The following HSPG2 variants were observed in gnomAD, a reference collection of about 807,000 sequenced individuals.
HSPG2 encodes the protein basement membrane-specific heparan sulfate proteoglycan core protein.
Under a neutral mutation model 526.6 loss-of-function variants are expected in HSPG2, and 278 were observed. The ratio of observed to expected loss-of-function variants is 0.53; its 90% CI spans 0.48 to 0.58. The LOEUF is 0.58. HSPG2 is among the 20% of genes least tolerant of loss of function. HSPG2 has a pLI of 0.00. For missense variants in HSPG2, 5,354 were observed against 6,099.5 expected, an observed-to-expected ratio of 0.88 and a Z score of 4.07; for synonymous variants, 2,465 against 2,555.4, an observed-to-expected ratio of 0.96 and a Z score of 1.07.
intron 21 of HSPG2, chr1:21,877,602 A>C (rs1046356632): frequency 2.0e-5 from 3 of 150,610 alleles, no homozygotes; most frequent in African/African-American, 7.5e-5. Context: ...GGTTCAAGTG[A>C]TTCTCCTGCC....
rs139645957 is a variant in HSPG2, at chr1:21,847,754, C to T, written c.7960G>A (p.Ala2654Thr). The change falls in exon 61 of 97, where the codon GCC (alanine) becomes ACC (threonine). Residue 2654 changes from alanine (A) to threonine (T), a missense_variant. Coordinates refer to ENST00000374695, the MANE Select transcript of HSPG2 (RefSeq NM_005529.7). The surrounding 1 kb of genome is among the most constrained non-coding windows in gnomAD (Gnocchi z 4.1). ...GQTLDLNCVVARQPQAIITWY... is the reference protein window; with the variant it reads ...GQTLDLNCVVTRQPQAIITWY... ...GTGATGATAGCCTGGGGCTGCCTGG[C>T]GACCACGCAGTTCAGATCCAAGGTC... 19 of 1,612,864 alleles carry T rather than the reference C, an allele frequency of 1.2e-5. No homozygotes were observed. The highest frequency in any genetic ancestry group is 8.0e-5 in the African/African-American group (6 of 74,894).
chr1:21,856,233 A>G (rs1166456267), intron 44 of HSPG2, among the ~76,000 whole-genome samples: 1 of 152,184 alleles, frequency 6.6e-6, no homozygotes, highest in African/African-American at 2.4e-5. Flanking sequence ...TTCCTCAAAC[A>G]TAGCAACGTG....
Position 21,878,449 on chromosome 1 carries a change from C to T in HSPG2, c.2601G>A (p.Gly867=), listed in dbSNP as rs1278581377. 2.5e-6 allele frequency: 4 copies of T among 1,607,288 alleles called. No homozygotes were observed. Among genetic ancestry groups the T allele is most frequent in the African/African-American group, 2.7e-5 (2 of 74,816 alleles). The stretch of plus-strand genomic sequence containing the variant: ...CATACTCACTGACGGGCCTGCACTT[C>T]CCGCCGGGCTGGATGGGGTTGCCCT... ...GYEGNPIQPG[G]KCRPVNQEIV... Residue 867 remains glycine (G), a synonymous_variant, in exon 20 of 97, where the codon GGG becomes GGA. Transcript: ENST00000374695.
chr1:21,833,518 C>A lies in HSPG2; in HGVS notation c.10927G>T (p.Ala3643Ser). The A allele has an allele frequency of 6.2e-7, 1 of 1,614,164 alleles. No individual in the cohort carries two copies. Among genetic ancestry groups the A allele is most frequent in the Non-Finnish European group, 8.5e-7 (1 of 1,180,020 alleles). The change falls in exon 79 of 97, where the codon GCC becomes TCC. Residue 3643 changes from alanine (A) to serine (S), a missense_variant. Physicochemically the swap from Ala to Ser is moderately conservative, Grantham distance 99 (BLOSUM62 1). Coordinates refer to ENST00000374695, the MANE Select transcript of HSPG2 (RefSeq NM_005529.7). ...TTGACCTTGCCCTGGCGGTTAGTGG[C>A]GGTGCAGACGTAGGTACCTGCGTCC... ...PQDAGTYVCTATNRQGKVKAF... is the reference protein window; with the variant it reads ...PQDAGTYVCTSTNRQGKVKAF...
rs374125713 is a variant in HSPG2, at chr1:21,876,490, C to T, written c.2826+22G>A. ...TCCGGCCCAGGGCTTGGCGGTCCTG[C>T]CCGCCCACCTTGCAGAGGTACCTGG... On this transcript the variant is annotated intron_variant, in intron 22 of 96. Coordinates refer to ENST00000374695, the MANE Select transcript of HSPG2 (RefSeq NM_005529.7). 3 of 1,613,570 alleles carry T rather than the reference C, an allele frequency of 1.9e-6. No homozygotes were observed. In the African/African-American group the frequency reaches 4.0e-5, roughly 22 times the overall value.
chr1:21,841,649 C>G lies in HSPG2; in HGVS notation c.9218G>C (p.Gly3073Ala). ...GGTGCCCACGATGGTGATGATGGAG[C>G]CATTGGGACTGATGTGGACGTTGTC... ...LEDNVHISPNGSIITIVGTRP... is the reference protein window; with the variant it reads ...LEDNVHISPNASIITIVGTRP... The change falls in exon 70 of 97, where the codon GGC (glycine) becomes GCC (alanine). Residue 3073 changes from glycine to alanine, a missense_variant. Physicochemically the swap from Gly to Ala is moderately conservative, Grantham distance 60 (BLOSUM62 0). Transcript: ENST00000374695. 1 of 1,614,120 alleles carries G rather than the reference C, an allele frequency of 6.2e-7. No homozygotes were observed. The highest frequency in any genetic ancestry group is 8.5e-7 in the Non-Finnish European group (1 of 1,180,018).
chr1:21,927,531 C>A (rs1414416781), intron 1 of HSPG2, among the ~76,000 whole-genome samples: 1 of 20,408 alleles, frequency 4.9e-5, no homozygotes, highest in African/African-American at 6.0e-5. Flanking sequence ...AGGACATCCC[C>A]CACCCCCCCC....
chr1:21,860,627 G>A (rs537673060), intron 39 of HSPG2, among the ~76,000 whole-genome samples: 1 of 152,102 alleles, frequency 6.6e-6, no homozygotes, highest in Non-Finnish European at 1.5e-5. Context: ...AATTAGCTGG[G>A]ACTGCAGGGG....
chr1:21,828,102 G>A lies in HSPG2; in HGVS notation c.12460C>T (p.Leu4154=). The change falls in exon 90 of 97, where the codon CTG becomes TTG. Residue 4154 remains leucine (L), a synonymous_variant. Coordinates refer to ENST00000374695, the MANE Select transcript of HSPG2 (RefSeq NM_005529.7). The surrounding 1 kb of genome is among the most constrained non-coding windows in gnomAD (Gnocchi z 6.0). ...GTGCCCTGGCAGGTGCCCCCATGCA[G>A]ACAGGGTTCACGGAGCTGGCAGGGG... is the stretch of plus-strand genomic sequence containing the variant. The part of the protein sequence containing the change: ...ENPCQLREPC[L]HGGTCQGTRC... The A allele has an allele frequency of 6.2e-7, 1 of 1,609,936 alleles. No homozygotes were observed. Among genetic ancestry groups the A allele is most frequent in the Non-Finnish European group, 8.5e-7 (1 of 1,178,432 alleles).
At chr1:21,868,113 A>G (rs1246709411) in intron 33 of HSPG2, among the ~76,000 whole-genome samples, 1 of 151,522 alleles carries the variant, frequency 6.6e-6, no homozygotes, top group African/African-American at 2.4e-5. Flanking sequence ...ATCTAGGCTC[A>G]CTGCAACCTC....
chr1:21,936,796 C>T (rs114360518), intron 1 of HSPG2, among the ~76,000 whole-genome samples: 211 of 152,290 alleles, frequency 1.4e-3, no homozygotes, highest in African/African-American at 4.8e-3. Flanking sequence ...GTTCCCTCGT[C>T]CTGCCAAGTT....
Position 21,854,615 on chromosome 1 carries a change from G to T in HSPG2, c.6284C>A (p.Thr2095Asn), listed in dbSNP as rs1358686526. Residue 2095 changes from threonine to asparagine, a missense_variant, in exon 49 of 97, where the codon ACC (threonine) becomes AAC (asparagine). Transcript: ENST00000374695. ...ATAGGCTCAGGGCCCACATACCTGG[G>T]TGTGGGGAGGCAGGCTACCCCCTCG... ...YRRGGSLPPH[T>N]QVHGSRLRLP... 2 of 1,562,962 alleles carry T rather than the reference G, an allele frequency of 1.3e-6. No individual in the cohort carries two copies. Among genetic ancestry groups the T allele is most frequent in the Non-Finnish European group, 1.7e-6 (2 of 1,151,862 alleles).
chr1:21,912,070 A>G (rs911590967), intron 1 of HSPG2, among the ~76,000 whole-genome samples: 21 of 152,242 alleles, frequency 1.4e-4, no homozygotes, highest in East Asian at 1.9e-4. Context: ...GATGACTACT[A>G]TATCTATCAT....
At chr1:21,879,549 T>G (rs1297792898) in intron 17 of HSPG2, among the ~76,000 whole-genome samples, 1 of 152,134 alleles carries the variant, frequency 6.6e-6, no homozygotes, top group Non-Finnish European at 1.5e-5. Context: ...CCCCCTAGAG[T>G]TGCCCTCTGC....
chr1:21,885,742 G>C (rs1641847505), intron 9 of HSPG2, among the ~76,000 whole-genome samples: 5 of 152,196 alleles, frequency 3.3e-5, no homozygotes, highest in Admixed American at 3.3e-4. Flanking sequence ...ACGCTCAGAG[G>C]CACAGAAGCG....
Position 21,887,372 on chromosome 1 carries a change from G to A in HSPG2, c.959-38C>T, listed in dbSNP as rs1173515384. The A allele has an allele frequency of 6.2e-7, 1 of 1,613,844 alleles. No individual in the cohort carries two copies. Among genetic ancestry groups the A allele is most frequent in the South Asian group, 1.1e-5 (1 of 91,056 alleles). On this transcript the variant is annotated intron_variant, in intron 8 of 96. Transcript: ENST00000374695. This position sits in a 1 kb window ranked among gnomAD's most constrained non-coding sequence, Gnocchi z 5.0. The stretch of plus-strand genomic sequence containing the variant: ...GCAGGGGTCAGCAGCATCCTCCCGG[G>A]CCAGCTTCCTGCTCCCCGCACCCAC...
Position 21,876,561 on chromosome 1 carries a change from C to A in HSPG2, c.2777G>T (p.Cys926Phe). 1 of 1,614,216 alleles carries A rather than the reference C, an allele frequency of 6.2e-7. No homozygotes were observed. Among genetic ancestry groups the A allele is most frequent in the African/African-American group, 1.3e-5 (1 of 75,052 alleles). Residue 926 changes from cysteine (C) to phenylalanine (F), a missense_variant, in exon 22 of 97, where the codon TGC becomes TTC. Physicochemically the swap from Cys to Phe is radical, Grantham distance 205. Coordinates refer to ENST00000374695, the MANE Select transcript of HSPG2 (RefSeq NM_005529.7). Reference protein sequence around the residue: ...RNPDGCLKCFCMGVSRHCTSS... With the variant: ...RNPDGCLKCFFMGVSRHCTSS... ...GGTGCAGTGGCGACTGACACCCATG[C>A]AGAAGCACTTGAGGCAGCCATCGGG...
chr1:21,846,217 C>T lies in HSPG2; in HGVS notation c.8355G>A (p.Pro2785=), dbSNP rs371334604. The T allele has an allele frequency of 1.4e-5, 23 of 1,612,886 alleles. No individual in the cohort carries two copies. In the South Asian group the frequency reaches 1.5e-4, roughly 11 times the overall value. The change falls in exon 64 of 97, where the codon CCG becomes CCA. Residue 2785 remains proline, a synonymous_variant. Transcript: ENST00000374695. ...GGCACACGTATTCACCCGAGTCGGC[C>T]GGGGACACATGGTGCAGCCGCAGCC... ...GSRLRLHHVS[P]ADSGEYVCRV... is the part of the protein sequence containing the mutation.
chr1:21,831,806 G>T lies in HSPG2; in HGVS notation c.11208-10C>A. The T allele has an allele frequency of 6.3e-7, 1 of 1,588,542 alleles. No homozygotes were observed. The highest frequency in any genetic ancestry group is 8.6e-7 in the Non-Finnish European group (1 of 1,164,002). Reference sequence around the variant, plus strand: ...TGAGCCTGCATCGAACCTGCTCCGTGGGGCAGGCCGGGGCAGGAGAGAGTG... The same window carrying T: ...TGAGCCTGCATCGAACCTGCTCCGTTGGGCAGGCCGGGGCAGGAGAGAGTG... On this transcript the variant is annotated splice_polypyrimidine_tract_variant and intron_variant, in intron 81 of 96. Transcript: ENST00000374695.
Sources: allele counts gnomAD v4.1 joint callset (sites outside exome capture counted in the v4.1 genomes callset), GRCh38; gene constraint gnomAD v4.1.1; non-coding constraint Gnocchi (gnomAD v3.1); transcripts MANE v1.5; gene names NCBI Gene and HGNC (gene_info 2026-07-23, HGNC 2026-07-21).